Variants in FRMD5 observed in about 807,000 individuals in gnomAD.
FRMD5 encodes the protein FERM domain-containing protein 5.
In FRMD5, 20 loss-of-function variants were observed where a neutral mutation model predicts 69.0. That is an observed-to-expected ratio of 0.29 (90% CI 0.20 to 0.42). FRMD5 has a LOEUF of 0.42. Among genes scored for constraint, FRMD5 ranks in the 10% least tolerant of loss-of-function variants. The probability of loss-of-function intolerance (pLI) is 1.00; values close to 1 mark genes in which losing one functional copy is unlikely to be tolerated. For synonymous variants in FRMD5, 271 were observed against 260.1 expected, an observed-to-expected ratio of 1.04 and a Z score of -0.40; for missense variants, 595 against 708.6, an observed-to-expected ratio of 0.84 and a Z score of 1.82.
At chr15:44,045,716 G>A (rs1021540088) in intron 1 of FRMD5, among the ~76,000 whole-genome samples, 1 of 152,284 alleles carries the variant, frequency 6.6e-6, no homozygotes, top group South Asian at 2.1e-4. Flanking sequence ...AGAGTGTAAG[G>A]AAGGGGCAGA....
At chr15:43,941,210 T>C (rs888784104) in intron 1 of FRMD5, among the ~76,000 whole-genome samples, 5 of 152,044 alleles carry the variant, frequency 3.3e-5, no homozygotes, top group African/African-American at 1.2e-4. Flanking sequence ...CTACAAAAAA[T>C]ACAAAAAATT....
At chr15:44,130,318 G>A (rs2077081634) in intron 1 of FRMD5, among the ~76,000 whole-genome samples, 1 of 152,128 alleles carries the variant, frequency 6.6e-6, no homozygotes, top group African/African-American at 2.4e-5. Context: ...TTTCCCCACG[G>A]TGGCAAAGTC....
At chr15:43,912,671 CA>C (rs1486328807) in intron 4 of FRMD5, among the ~76,000 whole-genome samples, 2 of 151,932 alleles carry the variant, frequency 1.3e-5, no homozygotes, top group Non-Finnish European at 2.9e-5. Context: ...GAACATCTTC[CA>C]GGGGGAGCCC....
chr15:44,057,157 C>T (rs766971102), intron 1 of FRMD5, among the ~76,000 whole-genome samples: 5 of 150,024 alleles, frequency 3.3e-5, no homozygotes, highest in Admixed American at 1.3e-4. Flanking sequence ...TTTTTTCTCA[C>T]TCTGTTGCCC....
chr15:44,110,396 T>C (rs558949566), intron 1 of FRMD5, among the ~76,000 whole-genome samples: 33 of 152,352 alleles, frequency 2.2e-4, no homozygotes, highest in Middle Eastern at 6.8e-3. Flanking sequence ...TTTCAGTTCA[T>C]TTGGGTAAAT....
intron 1 of FRMD5, among the ~76,000 whole-genome samples, chr15:44,013,550 C>T (rs1281180967): frequency 3.9e-5 from 6 of 152,166 alleles, no homozygotes; most frequent in Admixed American, 6.5e-5. Flanking sequence ...AATGAGTCAA[C>T]GAATAAAGTG....
At chr15:44,006,400 A>G (rs960400955) in intron 1 of FRMD5, among the ~76,000 whole-genome samples, 1 of 152,228 alleles carries the variant, frequency 6.6e-6, no homozygotes, top group Non-Finnish European at 1.5e-5. Context: ...ACAGGAGATT[A>G]ATGTTGTTTT....
intron 1 of FRMD5, among the ~76,000 whole-genome samples, chr15:44,027,639 G>GTT (rs767882395): frequency 0.053 from 1,415 of 26,860 alleles, 94 homozygotes; most frequent in East Asian, 0.11. Flanking sequence ...TTCTTTTCTA[G>GTT]TTTTTTTTTT....
intron 1 of FRMD5, among the ~76,000 whole-genome samples, chr15:43,970,949 C>T (rs956382910): frequency 6.6e-6 from 1 of 152,002 alleles, no homozygotes; most frequent in African/African-American, 2.4e-5. Context: ...AATTCAGGCC[C>T]TTTAGAAATT....
chr15:44,018,358 G>T (rs1025374513), intron 1 of FRMD5, among the ~76,000 whole-genome samples: 1 of 152,156 alleles, frequency 6.6e-6, no homozygotes, highest in Admixed American at 6.5e-5. Context: ...TAAAAAGGGA[G>T]GGGTAACTCC....
At chr15:44,114,258 C>G (rs1487894201) in intron 1 of FRMD5, among the ~76,000 whole-genome samples, 3 of 152,194 alleles carry the variant, frequency 2.0e-5, no homozygotes, top group Admixed American at 6.5e-5. Context: ...AAAATGGATA[C>G]TGACTCAGCA....
intron 1 of FRMD5, among the ~76,000 whole-genome samples, chr15:44,006,173 C>T (rs1388857856): frequency 6.6e-6 from 1 of 152,160 alleles, no homozygotes; most frequent in African/African-American, 2.4e-5. Context: ...TTCTAAAAAT[C>T]CCAGGATCTT....
At position 44,027,228 on chromosome 15, in the gene FRMD5, C is replaced by A. The variant is rs375337367; in HGVS notation, c.103-102919G>T. Among the ~76,000 whole-genome samples the A allele has an allele frequency of 3.2e-4, 49 of 152,170 alleles. 1 individual carries two copies. The highest frequency in any genetic ancestry group is 1.2e-3 in the African/African-American group (49 of 41,518). On this transcript the variant is annotated intron_variant, in intron 1 of 13. Transcript: ENST00000417257. ...AATAAGACTTTCTATCCTTTAATTA[C>A]TAATTTTCACCTGGATATGCTGTAT...
Position 43,871,272 on chromosome 15 carries a change from TTC to T in FRMD5, c.*2611_*2612del, listed in dbSNP as rs781175985. On this transcript the variant is annotated 3_prime_UTR_variant, in exon 14 of 14. Coordinates refer to ENST00000417257, the MANE Select transcript of FRMD5 (RefSeq NM_032892.5). ...CCCTGGAAAAAAACAACCCTAAAGT[TTC>T]TGTTTACAGAGCAAAATTTAGCTGT... The T allele has an allele frequency of 5.9e-5, 9 of 152,234 alleles. No individual in the cohort carries two copies. The highest frequency in any genetic ancestry group is 6.5e-5 in the Admixed American group (1 of 15,286). The allele number at this position is 152,234 out of a possible 1,614,324, so 9.4% of individuals were successfully genotyped here.
At chr15:44,020,507 G>A (rs1248096636) in intron 1 of FRMD5, among the ~76,000 whole-genome samples, 1 of 152,162 alleles carries the variant, frequency 6.6e-6, no homozygotes, top group African/African-American at 2.4e-5. Flanking sequence ...TTAAAAACTA[G>A]CTCCTCAAAT....
chr15:44,067,853 C>G (rs1238014871), intron 1 of FRMD5, among the ~76,000 whole-genome samples: 1 of 151,950 alleles, frequency 6.6e-6, no homozygotes, highest in African/African-American at 2.4e-5. Context: ...CATCTGGCAC[C>G]CAGAATATAC....
chr15:43,926,046 A>G (rs2089578937), intron 1 of FRMD5, among the ~76,000 whole-genome samples: 1 of 152,208 alleles, frequency 6.6e-6, no homozygotes, highest in Non-Finnish European at 1.5e-5. Context: ...AACTTAGCAC[A>G]GGGCCTGATG....
At chr15:44,038,844 T>C (rs1051097398) in intron 1 of FRMD5, among the ~76,000 whole-genome samples, 10 of 152,134 alleles carry the variant, frequency 6.6e-5, no homozygotes, top group Admixed American at 2.0e-4. Context: ...ACTTTTCCCA[T>C]GGTCTTCACA....
intron 1 of FRMD5, among the ~76,000 whole-genome samples, chr15:44,056,765 C>T (rs529771418): frequency 9.9e-5 from 15 of 152,264 alleles, no homozygotes; most frequent in African/African-American, 3.4e-4. Flanking sequence ...GTGTGTCAGA[C>T]GCCTCTCCTT....
Sources: allele counts gnomAD v4.1 joint callset (sites outside exome capture counted in the v4.1 genomes callset), GRCh38; gene constraint gnomAD v4.1.1; transcripts MANE v1.5; gene names NCBI Gene and HGNC (gene_info 2026-07-23, HGNC 2026-07-21).